RAB31: variants seen among roughly 807,000 people sequenced by gnomAD.
The protein encoded by RAB31 is RAB31, member RAS oncogene family.
Under a neutral mutation model 25.6 loss-of-function variants are expected in RAB31, and 21 were observed. That is an observed-to-expected ratio of 0.82 (90% CI 0.58 to 1.18). The LOEUF (loss-of-function observed/expected upper bound fraction) is 1.18. RAB31 is among the 50% of genes most tolerant of loss of function. The pLI, the probability that RAB31 is intolerant of heterozygous loss-of-function variation, is 0.00. For synonymous variants in RAB31, 87 were observed against 84.0 expected (o/e 1.04, Z -0.20); for missense variants, 196 against 250.1 (o/e 0.78, Z 1.46).
At chr18:9,753,522 A>G (rs563615352) in intron 1 of RAB31, among the ~76,000 whole-genome samples, 1 of 152,322 alleles carries the variant, frequency 6.6e-6, no homozygotes, top group African/African-American at 2.4e-5. Context: ...TAAGAAATAG[A>G]TTACTTTTCT....
At chr18:9,814,609 G>A (rs767747684) in intron 4 of RAB31, 1 of 158,404 alleles carries the variant, frequency 6.3e-6, no homozygotes, top group Non-Finnish European at 1.4e-5. Context: ...TTTCTCTGGA[G>A]TGTTGACTCA....
rs537448678 is a variant in RAB31 at position 9,853,546 on chromosome 18, T to C, written c.491-5682T>C. 8.5e-5 allele frequency among the ~76,000 whole-genome samples: 13 copies of C among 152,268 alleles called. No individual in the cohort carries two copies. In the South Asian group the frequency reaches 2.7e-3, roughly 32 times the overall value. ...GGCTGTCAGGGAAGGGATGAATTGG[T>C]GGGTCACAGGATTTTTAGGGCAGTG... On this transcript the variant is annotated intron_variant, in intron 6 of 6. Transcript: ENST00000578921.
chr18:9,722,653 G>C (rs183625283), intron 1 of RAB31: 1 of 152,102 alleles, frequency 6.6e-6, no homozygotes, highest in Non-Finnish European at 1.5e-5. Flanking sequence ...ACTACCTCAG[G>C]GTCCATGAGA....
At chr18:9,804,839 C>A (rs2068531839) in intron 3 of RAB31, among the ~76,000 whole-genome samples, 1 of 151,996 alleles carries the variant, frequency 6.6e-6, no homozygotes, top group Non-Finnish European at 1.5e-5. Flanking sequence ...AAAGAGGAGG[C>A]TTTTTGAGGG....
intron 1 of RAB31, among the ~76,000 whole-genome samples, chr18:9,722,369 T>G (rs559190527): frequency 6.6e-6 from 1 of 152,148 alleles, no homozygotes; most frequent in East Asian, 1.9e-4. Context: ...TAAGCTGTGT[T>G]TTGAAGGTAG....
chr18:9,833,030 C>T lies in RAB31; in HGVS notation c.381-12552C>T, dbSNP rs991486084. On this transcript the variant is annotated intron_variant, in intron 5 of 6. Transcript: ENST00000578921. ...AGAACGCCTACTGCCTGGACCTCGA[C>T]CAGAGACTTCGAAAGGTGCACGAAA... Among the ~76,000 whole-genome samples the T allele has an allele frequency of 3.9e-5, 6 of 152,170 alleles. No homozygotes were observed. The East Asian group carries it at 1.2e-3, about 30-fold the overall frequency.
Position 9,791,990 on chromosome 18 carries a change from A to C in RAB31, c.120-164A>C, listed in dbSNP as rs142183099. ...ACTAACAGAAAATGAGAAATATTTT[A>C]TTTTGGGTGTCATGAGTCTTCTAGC... On this transcript the variant is annotated intron_variant, in intron 2 of 6. Transcript: ENST00000578921. Among the ~76,000 whole-genome samples the C allele has an allele frequency of 4.6e-3, 700 of 152,272 alleles. 9 individuals are homozygous for C. Among genetic ancestry groups the C allele is most frequent in the African/African-American group, 0.016 (671 of 41,568 alleles).
intron 5 of RAB31, among the ~76,000 whole-genome samples, chr18:9,843,769 G>A (rs187646355): frequency 6.4e-4 from 98 of 152,266 alleles, no homozygotes; most frequent in African/African-American, 2.3e-3. Flanking sequence ...GGTGCCCACT[G>A]ACTTGGCTCC....
At chr18:9,713,024 A>G (rs1047452209) in intron 1 of RAB31, among the ~76,000 whole-genome samples, 6 of 152,194 alleles carry the variant, frequency 3.9e-5, no homozygotes, top group Non-Finnish European at 5.9e-5. Flanking sequence ...GGGCCTTCGC[A>G]TGGAAGGCCT....
At chr18:9,709,448 G>A (rs888227223) in intron 1 of RAB31, among the ~76,000 whole-genome samples, 25 of 152,184 alleles carry the variant, frequency 1.6e-4, no homozygotes, top group African/African-American at 6.0e-4. Flanking sequence ...AAAGGGCAGC[G>A]AAAGGGTCGC....
chr18:9,844,530 G>A (rs535652603), intron 5 of RAB31, among the ~76,000 whole-genome samples: 2 of 152,254 alleles, frequency 1.3e-5, no homozygotes, highest in South Asian at 4.1e-4. Flanking sequence ...AGCACTTTAT[G>A]TCGCAGTGTT....
chr18:9,827,009 C>G (rs577246905), intron 5 of RAB31, among the ~76,000 whole-genome samples: 1 of 152,204 alleles, frequency 6.6e-6, no homozygotes, highest in South Asian at 2.1e-4. Context: ...TTACTCCAAC[C>G]CCATACATTC....
intron 5 of RAB31, among the ~76,000 whole-genome samples, chr18:9,820,158 A>T (rs1330901049): frequency 6.6e-6 from 1 of 152,116 alleles, no homozygotes; most frequent in Non-Finnish European, 1.5e-5. Context: ...AAAATGCTCC[A>T]GTAAGTATCA....
At chr18:9,829,872 CTTGT>C (rs1228584775) in intron 5 of RAB31, among the ~76,000 whole-genome samples, 2 of 151,810 alleles carry the variant, frequency 1.3e-5, no homozygotes, top group African/African-American at 4.8e-5. Context: ...TTACCGTAAT[CTTGT>C]TTATTTTTAG....
At chr18:9,832,408 G>A (rs1233021053) in intron 5 of RAB31, among the ~76,000 whole-genome samples, 2 of 152,268 alleles carry the variant, frequency 1.3e-5, no homozygotes, top group Admixed American at 6.5e-5. Flanking sequence ...CACCCCACAC[G>A]GTTCACAGCA....
intron 3 of RAB31, among the ~76,000 whole-genome samples, chr18:9,812,395 T>C (rs1339848456): frequency 2.0e-5 from 3 of 152,208 alleles, no homozygotes; most frequent in East Asian, 3.8e-4. Context: ...AACTTTTGAT[T>C]ATATTACCAA....
At chr18:9,779,337 A>G (rs1354817048) in intron 2 of RAB31, among the ~76,000 whole-genome samples, 5 of 152,234 alleles carry the variant, frequency 3.3e-5, no homozygotes, top group Non-Finnish European at 7.3e-5. Flanking sequence ...GTATTCTTCA[A>G]TTTACATAAC....
chr18:9,812,880 T>C (rs1010194396), intron 3 of RAB31, among the ~76,000 whole-genome samples: 11 of 152,032 alleles, frequency 7.2e-5, no homozygotes, highest in Non-Finnish European at 1.5e-5. Flanking sequence ...GTATTTTTAG[T>C]TGAGACGGGT....
intron 1 of RAB31, among the ~76,000 whole-genome samples, chr18:9,745,684 C>T (rs1272789225): frequency 6.6e-6 from 1 of 152,088 alleles, no homozygotes; most frequent in Non-Finnish European, 1.5e-5. Flanking sequence ...GGAAAAACAC[C>T]ACCTGATCCT....
Sources: allele counts gnomAD v4.1 joint callset (sites outside exome capture counted in the v4.1 genomes callset), GRCh38; gene constraint gnomAD v4.1.1; transcripts MANE v1.5; gene names NCBI Gene and HGNC (gene_info 2026-07-23, HGNC 2026-07-21).